The following VAV3 variants were observed in gnomAD, a reference collection of about 807,000 sequenced individuals.
VAV3 encodes guanine nucleotide exchange factor VAV3.
In VAV3, 94 loss-of-function variants were observed where a neutral mutation model predicts 131.2. The ratio of observed to expected loss-of-function variants is 0.72; its 90% CI spans 0.61 to 0.85. The LOEUF (loss-of-function observed/expected upper bound fraction) is 0.85, where lower values mean the gene tolerates loss of function less well. Among genes scored for constraint, VAV3 ranks in the 40% least tolerant of loss-of-function variants. The pLI is 0.00. For synonymous variants in VAV3, 349 were observed against 342.0 expected (o/e 1.02, Z -0.22); for missense variants, 939 against 1,002.7 (o/e 0.94, Z 0.86).
intron 19 of VAV3, among the ~76,000 whole-genome samples, chr1:107,671,076 G>A (rs998903175): frequency 6.6e-6 from 1 of 152,186 alleles, no homozygotes; most frequent in Non-Finnish European, 1.5e-5. Context: ...AAGCTATAAT[G>A]TTAGGCCTAT....
At chr1:107,854,686 T>C (rs1669386327) in intron 2 of VAV3, among the ~76,000 whole-genome samples, 1 of 152,170 alleles carries the variant, frequency 6.6e-6, no homozygotes, top group Non-Finnish European at 1.5e-5. Flanking sequence ...ACTTTTGCAG[T>C]ATGTCATAAT....
chr1:107,951,116 C>T (rs1218549054), intron 1 of VAV3, among the ~76,000 whole-genome samples: 8 of 152,120 alleles, frequency 5.3e-5, no homozygotes, highest in Admixed American at 5.2e-4. Flanking sequence ...CATCATCGTT[C>T]AGAATAGATT....
At chr1:107,576,683 C>T (rs563301438) in intron 25 of VAV3, among the ~76,000 whole-genome samples, 1 of 152,314 alleles carries the variant, frequency 6.6e-6, no homozygotes, top group Non-Finnish European at 1.5e-5. Context: ...ACCCACTCCA[C>T]ATTGCCATCT....
chr1:107,823,062 T>A (rs886095786), intron 2 of VAV3, among the ~76,000 whole-genome samples: 2 of 152,162 alleles, frequency 1.3e-5, no homozygotes, highest in Non-Finnish European at 2.9e-5. Flanking sequence ...CTACTTAGGC[T>A]GAAGAGACAA....
chr1:107,776,783 T>G (rs1004298201), intron 4 of VAV3, among the ~76,000 whole-genome samples: 1 of 152,202 alleles, frequency 6.6e-6, no homozygotes, highest in Admixed American at 6.5e-5. Flanking sequence ...TCTTGACTAT[T>G]AAATAATAGA....
chr1:107,844,856 G>A (rs1029561918), intron 2 of VAV3, among the ~76,000 whole-genome samples: 1 of 152,214 alleles, frequency 6.6e-6, no homozygotes, highest in African/African-American at 2.4e-5. Context: ...GCACCTGGGG[G>A]AAGGTGCAGC....
chr1:107,658,679 T>C (rs1040859546), intron 19 of VAV3, among the ~76,000 whole-genome samples: 7 of 152,124 alleles, frequency 4.6e-5, no homozygotes, highest in African/African-American at 1.7e-4. Flanking sequence ...TGGTTTTGAT[T>C]TGTATTTCTC....
Position 107,812,638 on chromosome 1 carries a change from G to A in VAV3, c.322-33146C>T, listed in dbSNP as rs12033223. 4.6e-4 allele frequency among the ~76,000 whole-genome samples: 70 copies of A among 152,188 alleles called. No individual in the cohort carries two copies. In the East Asian group the frequency reaches 0.012, roughly 26 times the overall value. ...AATTGGTCTAGAACTGTTAAATCAC[G>A]TTGCAAAATATAACACCTACTAGAA... On this transcript the variant is annotated intron_variant, in intron 2 of 26. Transcript: ENST00000370056.
chr1:107,904,628 C>T (rs1408973474), intron 1 of VAV3, among the ~76,000 whole-genome samples: 2 of 152,202 alleles, frequency 1.3e-5, no homozygotes, highest in Non-Finnish European at 1.5e-5. Context: ...ATAAATGTTA[C>T]TCAACTTCAT....
chr1:107,597,248 A>T (rs1651472757), intron 24 of VAV3, among the ~76,000 whole-genome samples: 1 of 151,914 alleles, frequency 6.6e-6, no homozygotes, highest in African/African-American at 2.4e-5. Flanking sequence ...AACAGAAAAA[A>T]AAACCACTTG....
chr1:107,775,577 C>CAAAAAAAAAAAAAAAA (rs34775096), intron 4 of VAV3, among the ~76,000 whole-genome samples: 1 of 56,472 alleles, frequency 1.8e-5, no homozygotes, highest in African/African-American at 7.5e-5. Flanking sequence ...GACTCAGTCA[C>CAAAAAAAAAAAAAAAA]AAAAAAAAAA....
intron 2 of VAV3, among the ~76,000 whole-genome samples, chr1:107,784,369 A>G (rs1043946758): frequency 1.3e-5 from 2 of 152,180 alleles, no homozygotes; most frequent in Admixed American, 1.3e-4. Context: ...GTATATAAAC[A>G]GCAATGATTT....
chr1:107,806,680 T>C (rs541141348), intron 2 of VAV3, among the ~76,000 whole-genome samples: 6 of 152,174 alleles, frequency 3.9e-5, no homozygotes, highest in Non-Finnish European at 7.3e-5. Flanking sequence ...GAGGTGTTGC[T>C]CAGTCCAACA....
chr1:107,741,140 T>C (rs1165647673), intron 15 of VAV3, among the ~76,000 whole-genome samples: 4 of 152,224 alleles, frequency 2.6e-5, no homozygotes, highest in Non-Finnish European at 5.9e-5. Context: ...GCAGATACTG[T>C]AGGCATCTCC....
At chr1:107,577,190 T>C (rs1041374956) in intron 25 of VAV3, among the ~76,000 whole-genome samples, 3 of 152,236 alleles carry the variant, frequency 2.0e-5, no homozygotes, top group Non-Finnish European at 2.9e-5. Flanking sequence ...TTCACTTAAT[T>C]GTCACAGCTC....
chr1:107,713,108 G>A (rs1398113888), intron 15 of VAV3, among the ~76,000 whole-genome samples: 2 of 152,102 alleles, frequency 1.3e-5, no homozygotes, highest in Non-Finnish European at 2.9e-5. Context: ...CATATTACAT[G>A]CCTATGATGT....
At chr1:107,875,113 A>G (rs1348840875) in intron 1 of VAV3, 96 bp from the exon 2 acceptor site, 3 of 1,045,212 alleles carry the variant, frequency 2.9e-6, no homozygotes, top group African/African-American at 1.6e-5. Context: ...ATGACAAGAA[A>G]GCATCAAGCA....
chr1:107,959,831 C>T (rs957603751), intron 1 of VAV3, among the ~76,000 whole-genome samples: 5 of 152,100 alleles, frequency 3.3e-5, no homozygotes, highest in Admixed American at 2.6e-4. Context: ...TAACTAGCTC[C>T]AGATATTCCT....
intron 15 of VAV3, among the ~76,000 whole-genome samples, chr1:107,719,478 T>A (rs1466465209): frequency 6.6e-6 from 1 of 152,150 alleles, no homozygotes. Context: ...TCATCACTGG[T>A]CATCAGAGAA....
Sources: gnomAD v4.1 joint callset for allele counts (sites outside exome capture counted in the v4.1 genomes callset) on GRCh38, gnomAD v4.1.1 for gene constraint, MANE v1.5 for transcripts, NCBI Gene and HGNC (gene_info 2026-07-23, HGNC 2026-07-21) for gene names.